Variants in AKT3 observed in about 807,000 individuals in gnomAD.
AKT3 encodes the protein RAC-gamma serine/threonine-protein kinase.
A neutral mutation model predicts 65.3 loss-of-function variants in AKT3; 15 were observed. That is an observed-to-expected ratio of 0.23 (90% CI 0.15 to 0.35). The LOEUF (loss-of-function observed/expected upper bound fraction) is 0.35. Among genes scored for constraint, AKT3 ranks in the 10% least tolerant of loss-of-function variants. The pLI, the probability that AKT3 is intolerant of heterozygous loss-of-function variation, is 1.00. For synonymous variants in AKT3, 206 were observed against 183.8 expected (o/e 1.12, Z -0.98); for missense variants, 243 against 576.5 (o/e 0.42, Z 5.92).
At chr1:243,538,431 C>T (rs1199451220) in intron 12 of AKT3, among the ~76,000 whole-genome samples, 1 of 150,950 alleles carries the variant, frequency 6.6e-6, no homozygotes, top group Non-Finnish European at 1.5e-5. Context: ...ATATTTAAAC[C>T]CAAGTATGTC....
At chr1:243,739,943 T>C (rs2148172426) in intron 2 of AKT3, among the ~76,000 whole-genome samples, 1 of 152,384 alleles carries the variant, frequency 6.6e-6, no homozygotes, top group South Asian at 2.1e-4. Context: ...GGGTAAGAAC[T>C]GGATCACTAT....
At chr1:243,757,562 G>A (rs1689214941) in intron 2 of AKT3, among the ~76,000 whole-genome samples, 1 of 152,092 alleles carries the variant, frequency 6.6e-6, no homozygotes, top group Non-Finnish European at 1.5e-5. Flanking sequence ...AGGCTGCAGT[G>A]AGCCAAGATC....
chr1:243,612,470 G>GA (rs1471090612), intron 8 of AKT3: 3 of 151,776 alleles, frequency 2.0e-5, no homozygotes, highest in African/African-American at 4.8e-5. Flanking sequence ...AATTCTACAG[G>GA]AAAAAAATTC....
chr1:243,514,393 C>G (rs1487568590), intron 12 of AKT3, among the ~76,000 whole-genome samples: 1 of 152,166 alleles, frequency 6.6e-6, no homozygotes, highest in Non-Finnish European at 1.5e-5. Context: ...AAAATAGTCT[C>G]TGTTTCAAAT....
At chr1:243,831,842 A>T (rs1459171543) in intron 2 of AKT3, among the ~76,000 whole-genome samples, 1 of 152,096 alleles carries the variant, frequency 6.6e-6, no homozygotes, top group African/African-American at 2.4e-5. Context: ...TTTTTGAAGA[A>T]ATTCAATCTA....
intron 3 of AKT3, among the ~76,000 whole-genome samples, chr1:243,670,232 C>T (rs945182892): frequency 6.6e-6 from 1 of 152,114 alleles, no homozygotes; most frequent in Non-Finnish European, 1.5e-5. Context: ...CACATTTCAT[C>T]TCTACACCAA....
intron 2 of AKT3, among the ~76,000 whole-genome samples, chr1:243,832,406 T>C (rs77700086): frequency 0.038 from 5,798 of 152,260 alleles, 135 homozygotes; most frequent in Middle Eastern, 0.088. Flanking sequence ...ATCATGAAGC[T>C]TAAATAAATT....
chr1:243,830,109 A>G (rs1192022250), intron 2 of AKT3, among the ~76,000 whole-genome samples: 1 of 152,218 alleles, frequency 6.6e-6, no homozygotes, highest in Non-Finnish European at 1.5e-5. Flanking sequence ...ATATTCAGGA[A>G]AAAGAAATCA....
At chr1:243,701,127 C>T (rs1000333413) in intron 2 of AKT3, among the ~76,000 whole-genome samples, 3 of 152,172 alleles carry the variant, frequency 2.0e-5, no homozygotes, top group Admixed American at 1.3e-4. Flanking sequence ...AAGCTGAAGT[C>T]GTAAGCGCCA....
At chr1:243,540,829 G>A (rs768760128) in intron 12 of AKT3, among the ~76,000 whole-genome samples, 20 of 152,070 alleles carry the variant, frequency 1.3e-4, no homozygotes, top group Non-Finnish European at 2.4e-4. Context: ...ATCAGGCCAG[G>A]TATTTCGAGG....
At chr1:243,542,649 A>T (rs938695004) in intron 12 of AKT3, among the ~76,000 whole-genome samples, 2 of 152,242 alleles carry the variant, frequency 1.3e-5, no homozygotes, top group Admixed American at 1.3e-4. Context: ...TAAGGACTCC[A>T]TTAAAATGTT....
intron 2 of AKT3, among the ~76,000 whole-genome samples, chr1:243,826,263 C>T (rs1222880161): frequency 6.6e-6 from 1 of 152,118 alleles, no homozygotes; most frequent in African/African-American, 2.4e-5. Flanking sequence ...TCAATCTGAC[C>T]TCTAGAAAGG....
chr1:243,809,946 C>T (rs566953428), intron 2 of AKT3, among the ~76,000 whole-genome samples: 6 of 152,206 alleles, frequency 3.9e-5, no homozygotes, highest in Non-Finnish European at 7.4e-5. Flanking sequence ...GGGTACATAA[C>T]GAAATGAAGG....
At chr1:243,555,967 C>T (rs1021836026) in intron 10 of AKT3, among the ~76,000 whole-genome samples, 3 of 152,038 alleles carry the variant, frequency 2.0e-5, no homozygotes, top group Non-Finnish European at 4.4e-5. Flanking sequence ...GTACATTATA[C>T]CTACCTTTAA....
In AKT3 at chr1:243,668,084, A is replaced by G. The variant is rs563767650; in HGVS notation, c.173-3201T>C. On this transcript the variant is annotated intron_variant, in intron 3 of 13. Transcript: ENST00000673466. ...TCTAACATTTGATATGAAGTTTTTTAGTATCTTTTTTGCTTATTGTCTTTT... is the reference window on the plus strand; with the variant it reads ...TCTAACATTTGATATGAAGTTTTTTGGTATCTTTTTTGCTTATTGTCTTTT... 3.3e-4 allele frequency among the ~76,000 whole-genome samples: 51 copies of G among 152,244 alleles called. No homozygotes were observed. In the South Asian group the frequency reaches 9.3e-3, roughly 28 times the overall value.
At chr1:243,493,676 T>C (rs544445386) in intron 13 of AKT3, among the ~76,000 whole-genome samples, 1 of 152,194 alleles carries the variant, frequency 6.6e-6, no homozygotes, top group South Asian at 2.1e-4. Flanking sequence ...GTTGGCCCTA[T>C]GACTTTTAAG....
intron 3 of AKT3, among the ~76,000 whole-genome samples, chr1:243,684,793 A>G (rs917216994): frequency 6.6e-6 from 1 of 152,058 alleles, no homozygotes; most frequent in African/African-American, 2.4e-5. Flanking sequence ...AAGCATTCCT[A>G]TTTCTCCACA....
At chr1:243,690,001 A>C (rs1430404271) in intron 3 of AKT3, among the ~76,000 whole-genome samples, 2 of 152,190 alleles carry the variant, frequency 1.3e-5, no homozygotes, top group Non-Finnish European at 2.9e-5. Context: ...TCATCTTTTA[A>C]AATTGTGCTT....
intron 2 of AKT3, among the ~76,000 whole-genome samples, chr1:243,829,774 C>A (rs562226708): frequency 4.1e-4 from 62 of 152,272 alleles, no homozygotes; most frequent in Non-Finnish European, 6.3e-4. Context: ...CTGGTAACAT[C>A]TGGACAATAA....
Sources: gnomAD v4.1 joint callset for allele counts (sites outside exome capture counted in the v4.1 genomes callset) on GRCh38, gnomAD v4.1.1 for gene constraint, MANE v1.5 for transcripts, NCBI Gene and HGNC (gene_info 2026-07-23, HGNC 2026-07-21) for gene names.